Variants in SULF2 observed in about 807,000 individuals in gnomAD.
SULF2 encodes the protein extracellular sulfatase Sulf-2.
A neutral mutation model predicts 107.7 loss-of-function variants in SULF2; 52 were observed. That is an observed-to-expected ratio of 0.48 (90% CI 0.39 to 0.61). SULF2 has a LOEUF of 0.61. Ranked by LOEUF, SULF2 falls within the 20% of genes least tolerant of loss-of-function variation. The pLI, the probability that SULF2 is intolerant of heterozygous loss-of-function variation, is 0.00. For missense variants in SULF2, 993 were observed against 1,177.3 expected, an observed-to-expected ratio of 0.84 and a Z score of 2.29; for synonymous variants, 460 against 464.3, an observed-to-expected ratio of 0.99 and a Z score of 0.12.
At chr20:47,757,071 A>T (rs1374951011) in intron 2 of SULF2, 118 bp downstream of exon 2, 1 of 947,436 alleles carries the variant, frequency 1.1e-6, no homozygotes, top group Non-Finnish European at 1.5e-6. Context: ...CTTGGTTTCA[A>T]TGTACTCAAA....
At chr20:47,741,188 G>A (rs1255701549) in intron 2 of SULF2, among the ~76,000 whole-genome samples, 1 of 152,088 alleles carries the variant, frequency 6.6e-6, no homozygotes, top group Admixed American at 6.5e-5. Flanking sequence ...ACTCAGAGGA[G>A]CCCAAATCTT....
intron 1 of SULF2, among the ~76,000 whole-genome samples, chr20:47,781,120 C>CAAG (rs1395280253): frequency 6.6e-6 from 1 of 152,254 alleles, no homozygotes; most frequent in Non-Finnish European, 1.5e-5. Context: ...AGCACAGGAT[C>CAAG]AAGGCCAGGC....
chr20:47,718,603 T>C (rs2089194966), intron 3 of SULF2, among the ~76,000 whole-genome samples: 1 of 152,084 alleles, frequency 6.6e-6, no homozygotes, highest in Admixed American at 6.5e-5. Flanking sequence ...GGCGAAGGGC[T>C]TGGGTGGTTG....
chr20:47,687,761 G>C (rs1477373006), intron 5 of SULF2, among the ~76,000 whole-genome samples: 1 of 151,736 alleles, frequency 6.6e-6, no homozygotes, highest in African/African-American at 2.4e-5. Context: ...AGGCTGGAGT[G>C]TAGTGGCGCA....
At chr20:47,773,097 G>A (rs1177498038) in intron 1 of SULF2, among the ~76,000 whole-genome samples, 2 of 152,104 alleles carry the variant, frequency 1.3e-5, no homozygotes, top group African/African-American at 2.4e-5. Context: ...ATAAAGCCCC[G>A]CTGGAGCTTG....
At chr20:47,738,820 T>A (rs1459359041) in intron 2 of SULF2, among the ~76,000 whole-genome samples, 1 of 152,202 alleles carries the variant, frequency 6.6e-6, no homozygotes, top group African/African-American at 2.4e-5. Context: ...TATATCTTTA[T>A]CAGCAGCATG....
intron 1 of SULF2, among the ~76,000 whole-genome samples, chr20:47,766,235 C>A (rs1031430688): frequency 6.6e-6 from 1 of 152,214 alleles, no homozygotes; most frequent in Non-Finnish European, 1.5e-5. Context: ...CTTTCTCCAG[C>A]CTTCTCTCCT....
intron 11 of SULF2, 78 bp downstream of exon 11, chr20:47,672,120 C>G: frequency 6.9e-7 from 1 of 1,446,036 alleles, no homozygotes; most frequent in South Asian, 1.3e-5. Flanking sequence ...CTCTGTGGAA[C>G]TGTCGGAGTG....
intron 19 of SULF2, 113 bp downstream of exon 19, chr20:47,659,584 C>T: frequency 7.3e-7 from 1 of 1,368,448 alleles, no homozygotes; most frequent in Non-Finnish European, 1.0e-6. Flanking sequence ...CTCGGGCAGA[C>T]CAGAGGGAAG....
intron 1 of SULF2, among the ~76,000 whole-genome samples, chr20:47,772,543 C>T (rs11699888): frequency 0.055 from 8,341 of 152,178 alleles, 269 homozygotes; most frequent in Middle Eastern, 0.095. Context: ...GGAGTTCACG[C>T]GATTCCCTCC....
intron 6 of SULF2, among the ~76,000 whole-genome samples, chr20:47,683,425 T>C (rs570291026): frequency 1.3e-5 from 2 of 152,360 alleles, no homozygotes; most frequent in East Asian, 3.9e-4. Context: ...ATCATCTGTG[T>C]CCCTGCCTTG....
At chr20:47,695,366 T>C (rs1231044960) in intron 4 of SULF2, among the ~76,000 whole-genome samples, 1 of 152,234 alleles carries the variant, frequency 6.6e-6, no homozygotes, top group East Asian at 1.9e-4. Flanking sequence ...AAGCACCATG[T>C]TGTACAGCAG....
chr20:47,737,755 G>GTTTTTTTTTTTTTTTTTTTTTTT (rs11484375), intron 2 of SULF2, among the ~76,000 whole-genome samples: 1 of 61,834 alleles, frequency 1.6e-5, no homozygotes, highest in Non-Finnish European at 3.0e-5. Flanking sequence ...TCTTTTCTTT[G>GTTTTTTTTTTTTTTTTTTTTTTT]TTTTTTTTTT....
At chr20:47,677,745 C>T (rs1423611891) in intron 8 of SULF2, among the ~76,000 whole-genome samples, 1 of 152,208 alleles carries the variant, frequency 6.6e-6, no homozygotes, top group Non-Finnish European at 1.5e-5. Flanking sequence ...GGGAAGCTTC[C>T]ACCCTGTCCC....
chr20:47,683,240 A>C (rs2146506110), intron 6 of SULF2, 71 bp from the exon 7 acceptor site: 1 of 1,460,218 alleles, frequency 6.8e-7, no homozygotes, highest in East Asian at 2.3e-5. Context: ...CCGGGGTGAC[A>C]GGCGCTTGAG....
At chr20:47,762,799 T>C (rs2090444793) in intron 1 of SULF2, among the ~76,000 whole-genome samples, 1 of 152,234 alleles carries the variant, frequency 6.6e-6, no homozygotes, top group South Asian at 2.1e-4. Flanking sequence ...GGCTCCCATG[T>C]TGGTTTCAGA....
chr20:47,661,773 C>T lies in SULF2; in HGVS notation c.2494G>A (p.Gly832Arg), dbSNP rs200646156. ...GCCCCACGTTGGGGTGCCTACTCACCCAGGTCCATGTTTCGAGTCCGGGGG... is the reference window on the plus strand; with the variant it reads ...GCCCCACGTTGGGGTGCCTACTCACTCAGGTCCATGTTTCGAGTCCGGGGG... ...CNPRTRNMDLGLKDGGSYEQY... is the reference protein window; with the variant it reads ...CNPRTRNMDLRLKDGGSYEQY... Residue 832 changes from glycine to arginine, a missense_variant and splice_region_variant, in exon 18 of 21, where the codon GGA (glycine) becomes AGA (arginine). Gly to Arg is a moderately radical substitution (Grantham distance 125). This residue lies in a region of SULF2 where 497 missense variants were observed against 544.1 expected (regional missense o/e 0.91). Coordinates refer to ENST00000688720, the MANE Select transcript of SULF2 (RefSeq NM_001387048.1). 180 of 1,536,172 alleles carry T rather than the reference C, an allele frequency of 1.2e-4. 1 individual carries two copies. Among genetic ancestry groups the T allele is most frequent in the Non-Finnish European group, 1.5e-4 (173 of 1,127,680 alleles).
chr20:47,703,635 T>G (rs1170172631), intron 3 of SULF2, among the ~76,000 whole-genome samples: 2 of 152,220 alleles, frequency 1.3e-5, no homozygotes. Context: ...CATTGGTAAC[T>G]TCTACCCAAC....
At chr20:47,764,440 T>G (rs973123960) in intron 1 of SULF2, among the ~76,000 whole-genome samples, 4 of 152,234 alleles carry the variant, frequency 2.6e-5, no homozygotes, top group East Asian at 3.9e-4. Context: ...AGTGCTCTTA[T>G]TTCCCACCCC....
Sources: allele counts gnomAD v4.1 joint callset (sites outside exome capture counted in the v4.1 genomes callset), GRCh38; gene constraint gnomAD v4.1.1; regional missense constraint gnomAD v4.1.1; transcripts MANE v1.5; gene names NCBI Gene and HGNC (gene_info 2026-07-23, HGNC 2026-07-21).